Variants in CEP89 observed in about 807,000 individuals in gnomAD.
The protein encoded by CEP89 is centrosomal protein 89.
A neutral mutation model predicts 97.6 loss-of-function variants in CEP89; 95 were observed. The ratio of observed to expected loss-of-function variants is 0.97; its 90% confidence interval spans 0.82 to 1.15. The LOEUF is 1.15. CEP89 is among the 50% of genes most tolerant of loss of function. CEP89 has a pLI of 0.00. For missense variants in CEP89, 869 were observed against 947.7 expected (o/e 0.92, Z 1.09); for synonymous variants, 354 against 349.1 (o/e 1.01, Z -0.16).
chr19:32,910,395 C>T (rs1336673384), intron 14 of CEP89, among the ~76,000 whole-genome samples: 1 of 152,046 alleles, frequency 6.6e-6, no homozygotes, highest in Non-Finnish European at 1.5e-5. Flanking sequence ...AAAGAAATTG[C>T]TCTGGGTGAG....
chr19:32,959,772 A>G, intron 3 of CEP89, 128 bp downstream of exon 3: 1 of 936,114 alleles, frequency 1.1e-6, no homozygotes, highest in Admixed American at 2.7e-5. Context: ...TACATGCATG[A>G]GCACCCACGC....
At chr19:32,932,500 G>T (rs539018820) in intron 8 of CEP89, among the ~76,000 whole-genome samples, 2 of 152,218 alleles carry the variant, frequency 1.3e-5, no homozygotes, top group African/African-American at 4.8e-5. Flanking sequence ...TACCAAGAGT[G>T]TAAGTCATAA....
At chr19:32,921,314 G>A (rs759713996) in intron 12 of CEP89, among the ~76,000 whole-genome samples, 27 of 152,318 alleles carry the variant, frequency 1.8e-4, no homozygotes, top group Admixed American at 7.2e-4. Flanking sequence ...CAGCCGTGCA[G>A]GTGTGCAGGT....
At chr19:32,923,411 A>C (rs756090915) in intron 12 of CEP89, 28 bp downstream of exon 12, 27 of 1,164,708 alleles carry the variant, frequency 2.3e-5, no homozygotes, top group Non-Finnish European at 3.3e-5. Context: ...TTAAATTAGC[A>C]AAAGAGCAGA....
chr19:32,897,222 G>T (rs1020633903), intron 16 of CEP89, among the ~76,000 whole-genome samples: 2 of 152,198 alleles, frequency 1.3e-5, no homozygotes, highest in African/African-American at 4.8e-5. Flanking sequence ...GTCTTTCTAT[G>T]TAAGACTGAA....
chr19:32,924,268 C>T (rs979165912), intron 11 of CEP89, among the ~76,000 whole-genome samples: 2 of 152,196 alleles, frequency 1.3e-5, no homozygotes, highest in African/African-American at 4.8e-5. Context: ...GCTGGGATTA[C>T]AGTCATGAGT....
At chr19:32,907,099 A>C (rs747183449) in intron 14 of CEP89, among the ~76,000 whole-genome samples, 8 of 152,216 alleles carry the variant, frequency 5.3e-5, no homozygotes, top group Non-Finnish European at 1.0e-4. Context: ...GTGGCTCATG[A>C]CTATAATCCC....
intron 5 of CEP89, among the ~76,000 whole-genome samples, chr19:32,946,222 CT>C (rs1970794534): frequency 6.6e-6 from 1 of 152,168 alleles, no homozygotes. Flanking sequence ...CCATCTCAGC[CT>C]CCTGCATAGC....
intron 5 of CEP89, 52 bp downstream of exon 5, chr19:32,948,214 T>C (rs539936939): frequency 1.9e-6 from 2 of 1,044,278 alleles, no homozygotes; most frequent in South Asian, 1.5e-5. Flanking sequence ...GCAATATTCA[T>C]TATGAAAAAA....
At chr19:32,945,818 G>A (rs1385074595) in intron 5 of CEP89, among the ~76,000 whole-genome samples, 1 of 152,022 alleles carries the variant, frequency 6.6e-6, no homozygotes, top group Admixed American at 6.6e-5. Context: ...TTAATTTTTT[G>A]GGTGGCCAGC....
chr19:32,964,140 A>C (rs1971232911), intron 2 of CEP89, among the ~76,000 whole-genome samples: 1 of 152,090 alleles, frequency 6.6e-6, no homozygotes, highest in Non-Finnish European at 1.5e-5. Flanking sequence ...TATTTACCCG[A>C]GAAATGAAAG....
chr19:32,965,686 AT>A (rs1555796363), intron 2 of CEP89, among the ~76,000 whole-genome samples: 7 of 149,364 alleles, frequency 4.7e-5, no homozygotes, highest in South Asian at 2.1e-4. Flanking sequence ...ACAGAGCAAG[AT>A]CTTGCCTTGA....
At chr19:32,917,684 A>G (rs1970156294) in intron 13 of CEP89, 1 of 418,904 alleles carries the variant, frequency 2.4e-6, no homozygotes, top group South Asian at 9.8e-5. Flanking sequence ...ACAGTTGTGC[A>G]CTGTCACAGA....
chr19:32,907,547 G>T (rs934359439), intron 14 of CEP89, among the ~76,000 whole-genome samples: 6 of 151,828 alleles, frequency 4.0e-5, no homozygotes, highest in Non-Finnish European at 8.8e-5. Flanking sequence ...CACCTCCTGG[G>T]TTCAAGCCAT....
In CEP89 at chr19:32,899,881, C is replaced by T; in HGVS notation, c.1851G>A (p.Gln617=). ...CCAAACACATAAGACTGTCACGTTC[C>T]TGGGTTATGTTTTCTGCCAGGCCAA... is the stretch of plus-strand genomic sequence containing the variant. ...NLVGLAENIT[Q]ERDSLMCLAK... is the part of the protein sequence containing the mutation. Residue 617 remains glutamine, a synonymous_variant, in exon 16 of 19, where the codon CAG becomes CAA. Transcript: ENST00000305768. 6.2e-7 allele frequency: 1 copy of T among 1,613,894 alleles called. No homozygotes were observed. The highest frequency in any genetic ancestry group is 1.1e-5 in the South Asian group (1 of 91,050).
At chr19:32,959,841 G>A in intron 3 of CEP89, 59 bp downstream of exon 3, 1 of 1,597,956 alleles carries the variant, frequency 6.3e-7, no homozygotes. Flanking sequence ...GTAGAGACCA[G>A]GCTGAGCCTG....
At chr19:32,929,323 C>T (rs376511290) in intron 9 of CEP89, among the ~76,000 whole-genome samples, 5 of 151,982 alleles carry the variant, frequency 3.3e-5, no homozygotes, top group African/African-American at 9.7e-5. Flanking sequence ...GAGAGAGGGC[C>T]GGGCATGGTG....
chr19:32,967,124 C>G (rs185138944), intron 1 of CEP89, among the ~76,000 whole-genome samples: 8 of 152,216 alleles, frequency 5.3e-5, no homozygotes, highest in Non-Finnish European at 8.8e-5. Flanking sequence ...CTGCACCTGG[C>G]CCACTCTCTT....
Position 32,971,880 on chromosome 19 carries a change from C to G in CEP89, c.-6G>C. ...CTCCGAAATCCCAGGAGCATCCTTG[C>G]AGCGCGAGGAGAATGGACCGGGGCC... is the stretch of plus-strand genomic sequence containing the variant. On this transcript the variant is annotated 5_prime_UTR_variant, in exon 1 of 19. Transcript: ENST00000305768. The G allele has an allele frequency of 6.3e-7, 1 of 1,587,236 alleles. No homozygotes were observed. Among genetic ancestry groups the G allele is most frequent in the Non-Finnish European group, 8.6e-7 (1 of 1,165,420 alleles).
Sources: gnomAD v4.1 joint callset for allele counts (sites outside exome capture counted in the v4.1 genomes callset) on GRCh38, gnomAD v4.1.1 for gene constraint, MANE v1.5 for transcripts, NCBI Gene and HGNC (gene_info 2026-07-23, HGNC 2026-07-21) for gene names.